Variants in MCF2 observed in about 807,000 individuals in gnomAD.
MCF2 encodes MCF.2 cell line derived transforming sequence.
In MCF2, 44 loss-of-function variants were observed where a neutral mutation model predicts 82.5. The ratio of observed to expected loss-of-function variants is 0.53; its 90% confidence interval spans 0.42 to 0.69. The LOEUF is 0.69. MCF2 is among the 30% of genes least tolerant of loss of function. The pLI, the probability that MCF2 is intolerant of heterozygous loss-of-function variation, is 0.00. For missense variants in MCF2, 623 were observed against 663.1 expected, an observed-to-expected ratio of 0.94 and a Z score of 0.66; for synonymous variants, 217 against 224.9, an observed-to-expected ratio of 0.96 and a Z score of 0.32.
intron 3 of MCF2, among the ~76,000 whole-genome samples, chrX:139,631,175 A>G (rs1175311228): frequency 4.5e-5 from 5 of 111,747 alleles, no homozygotes; most frequent in Admixed American, 2.9e-4. Context: ...TTCTCCTTCA[A>G]TTGCCATCCT....
intron 18 of MCF2, among the ~76,000 whole-genome samples, chrX:139,597,246 G>C (rs1930179426): frequency 9.0e-6 from 1 of 111,351 alleles, no homozygotes; most frequent in African/African-American, 3.3e-5. Context: ...CTGGGATTGG[G>C]GGAAGACTGT....
intron 1 of MCF2, among the ~76,000 whole-genome samples, chrX:139,652,029 C>T (rs1934038893): frequency 9.0e-6 from 1 of 111,344 alleles, no homozygotes; most frequent in Admixed American, 9.6e-5. Flanking sequence ...AAAACATAAA[C>T]TACTCTCACT....
chrX:139,651,464 G>C (rs931353846), intron 2 of MCF2, among the ~76,000 whole-genome samples: 2 of 111,422 alleles, frequency 1.8e-5, no homozygotes, highest in East Asian at 2.8e-4. Context: ...TCGTCTGAAA[G>C]TCAAATGTAT....
In MCF2 at chrX:139,605,767, A is replaced by C. The variant is rs770682928; in HGVS notation, c.1503T>G (p.Asn501Lys). 5 of 1,188,710 alleles carry C rather than the reference A, an allele frequency of 4.2e-6. No individual in the cohort carries two copies. In the African/African-American group the frequency reaches 8.9e-5, roughly 21 times the overall value. The change falls in exon 13 of 25, where the codon AAT becomes AAG. Residue 501 changes from asparagine to lysine, a missense_variant. Asn to Lys is a moderately conservative substitution (Grantham distance 94). Transcript: ENST00000370576. ...AAACTCTCTCAGTCTGTATCAGTTC[A>C]TTTAGTACGTGGCTAAAATGAAAAG...
chrX:139,600,849 C>A (rs1316647655), intron 16 of MCF2, among the ~76,000 whole-genome samples: 2 of 110,589 alleles, frequency 1.8e-5, no homozygotes, highest in East Asian at 5.7e-4. Flanking sequence ...GTAATAGGAA[C>A]CAAACAAAGA....
chrX:139,661,515 C>T (rs189168662), intron 1 of MCF2, among the ~76,000 whole-genome samples: 330 of 111,414 alleles, frequency 3.0e-3, no homozygotes, highest in African/African-American at 0.01. Context: ...TTTGTACAAG[C>T]ACGTATACAA....
chrX:139,598,420 G>C, exon 17 of MCF2: 1 of 1,151,625 alleles, frequency 8.7e-7, no homozygotes, highest in Non-Finnish European at 1.2e-6. Flanking sequence ...AACAATAACT[G>C]ATATTTAGTG....
chrX:139,618,066 G>C (rs1431630454), intron 7 of MCF2, among the ~76,000 whole-genome samples: 1 of 110,258 alleles, frequency 9.1e-6, no homozygotes, highest in Non-Finnish European at 1.9e-5. Context: ...ATACACACCA[G>C]CCAAGTGTAT....
rs190457644 is a variant in MCF2, at chrX:139,666,428, T to C, written c.-44-14640A>G. Among the ~76,000 whole-genome samples the C allele has an allele frequency of 3.1e-3, 348 of 111,579 alleles. 1 individual carries two copies. The highest frequency in any genetic ancestry group is 0.011 in the African/African-American group (340 of 30,696). ...AAAGTGAATTTCCTCAGCATTTGCT[T>C]GTTTAAAAAATACTTTATTTCTCCT... On this transcript the variant is annotated intron_variant, in intron 1 of 27. Transcript: ENST00000414978.
chrX:139,597,896 A>T (rs17342365), intron 17 of MCF2, among the ~76,000 whole-genome samples: 1 of 111,555 alleles, frequency 9.0e-6, no homozygotes, highest in African/African-American at 3.2e-5. Flanking sequence ...TCCTCTACAT[A>T]CAGTAATTTG....
chrX:139,692,641 C>G (rs1935301549), intron 1 of MCF2, among the ~76,000 whole-genome samples: 1 of 111,990 alleles, frequency 8.9e-6, no homozygotes, highest in South Asian at 3.7e-4. Flanking sequence ...GCCTCGCACT[C>G]TCATGGCAAC....
intron 8 of MCF2, 33 bp from the exon 12 acceptor site, chrX:139,616,506 T>A (rs5909056): frequency 1.4e-5 from 12 of 877,359 alleles, no homozygotes; most frequent in East Asian, 3.4e-5. Flanking sequence ...AAAAAAAAAA[T>A]ATGAATTAAT....
intron 19 of MCF2, among the ~76,000 whole-genome samples, chrX:139,596,008 A>G (rs73573963): frequency 9.0e-6 from 1 of 111,514 alleles, no homozygotes; most frequent in Non-Finnish European, 1.9e-5. Flanking sequence ...AGGACAGATA[A>G]GGAAAGGATT....
At chrX:139,617,636 T>C (rs1569360508) in exon 8 of MCF2, 2 of 1,204,436 alleles carry the variant, frequency 1.7e-6, no homozygotes, top group Non-Finnish European at 1.1e-6. Context: ...TTAAATCAAG[T>C]GCATAATGGT....
chrX:139,662,048 C>CACAG (rs200350282), intron 1 of MCF2, among the ~76,000 whole-genome samples: 4 of 111,458 alleles, frequency 3.6e-5, no homozygotes, highest in Non-Finnish European at 5.7e-5. Context: ...GGAATTTACA[C>CACAG]ACAGACAGAC....
intron 1 of MCF2, among the ~76,000 whole-genome samples, chrX:139,683,826 A>G (rs777443470): frequency 8.9e-6 from 1 of 112,194 alleles, no homozygotes; most frequent in East Asian, 2.8e-4. Flanking sequence ...ACAAAAATCA[A>G]CTCAAAATGG....
intron 1 of MCF2, among the ~76,000 whole-genome samples, chrX:139,634,727 A>T (rs1933103839): frequency 9.0e-6 from 1 of 111,479 alleles, no homozygotes; most frequent in African/African-American, 3.3e-5. Context: ...TATTCTACAC[A>T]TTGGTTCCAA....
rs764215436 is a variant in MCF2, at chrX:139,603,318, G to T, written c.1744-820C>A. ...TTGCTAAGAACGCTGCTAACCCAAT[G>T]AGAGATACAACAATATATAGGATAT... On this transcript the variant is annotated intron_variant, in intron 15 of 24. Transcript: ENST00000370576. Among the ~76,000 whole-genome samples, 6 of 112,334 alleles carry T rather than the reference G, an allele frequency of 5.3e-5. No homozygotes were observed. The East Asian group carries it at 1.1e-3, about 21-fold the overall frequency.
chrX:139,591,179 G>C (rs1343018029), intron 19 of MCF2, among the ~76,000 whole-genome samples: 2 of 110,938 alleles, frequency 1.8e-5, no homozygotes, highest in Admixed American at 9.6e-5. Flanking sequence ...TATGTGTCTT[G>C]GTGCAAGTTG....
Sources: gnomAD v4.1 joint callset for allele counts (sites outside exome capture counted in the v4.1 genomes callset) on GRCh38, gnomAD v4.1.1 for gene constraint, MANE v1.5 for transcripts, NCBI Gene and HGNC (gene_info 2026-07-23, HGNC 2026-07-21) for gene names.